PLEKHG1: variants seen among roughly 807,000 people sequenced by gnomAD.
The protein encoded by PLEKHG1 is pleckstrin homology and RhoGEF domain containing G1.
Under a neutral mutation model 100.8 loss-of-function variants are expected in PLEKHG1, and 44 were observed. The ratio of observed to expected loss-of-function variants is 0.44; its 90% CI spans 0.34 to 0.56. The LOEUF (loss-of-function observed/expected upper bound fraction) is 0.56, where lower values mean the gene tolerates loss of function less well. PLEKHG1 is among the 20% of genes least tolerant of loss of function. The pLI is 0.01. For missense variants in PLEKHG1, 1,545 were observed against 1,720.9 expected, an observed-to-expected ratio of 0.90 and a Z score of 1.81; for synonymous variants, 640 against 662.5, an observed-to-expected ratio of 0.97 and a Z score of 0.52.
chr6:150,603,070 ACTCCGTCT>A, intron 1 of PLEKHG1, among the ~76,000 whole-genome samples: 1 of 103,042 alleles, frequency 9.7e-6, no homozygotes, highest in African/African-American at 3.5e-5. Flanking sequence ...CGACAGCGAG[ACTCCGTCT>A]CAAAAAAAAA....
At chr6:150,798,774 T>G (rs1786515443) in intron 5 of PLEKHG1, among the ~76,000 whole-genome samples, 1 of 152,238 alleles carries the variant, frequency 6.6e-6, no homozygotes, top group African/African-American at 2.4e-5. Context: ...AGAGTCTCGC[T>G]CTGTTGCCCA....
intron 4 of PLEKHG1, among the ~76,000 whole-genome samples, chr6:150,792,191 T>C (rs773106157): frequency 3.3e-5 from 5 of 151,994 alleles, no homozygotes; most frequent in Non-Finnish European, 7.4e-5. Context: ...ACCTCATCTC[T>C]ACTAAAAATA....
chr6:150,839,507 C>T (rs867371756), intron 15 of PLEKHG1, among the ~76,000 whole-genome samples: 1 of 152,158 alleles, frequency 6.6e-6, no homozygotes, highest in African/African-American at 2.4e-5. Context: ...ATGTTTTCAG[C>T]ACTGACACTG....
At chr6:150,698,536 G>A (rs1431829357) in intron 3 of PLEKHG1, among the ~76,000 whole-genome samples, 2 of 151,370 alleles carry the variant, frequency 1.3e-5, no homozygotes, top group Non-Finnish European at 2.9e-5. Context: ...GCTCAAGGAA[G>A]ACTATTTTGG....
At chr6:150,830,187 T>C (rs547678129) in intron 14 of PLEKHG1, among the ~76,000 whole-genome samples, 1 of 152,324 alleles carries the variant, frequency 6.6e-6, no homozygotes, top group African/African-American at 2.4e-5. Context: ...TACTGTGAAA[T>C]TGGTACGATC....
At chr6:150,758,798 T>C (rs1783994077) in intron 2 of PLEKHG1, among the ~76,000 whole-genome samples, 1 of 152,254 alleles carries the variant, frequency 6.6e-6, no homozygotes, top group Non-Finnish European at 1.5e-5. Flanking sequence ...TCTTTGTATG[T>C]TTCCATTTCA....
At chr6:150,761,750 A>G (rs1784172910) in intron 2 of PLEKHG1, among the ~76,000 whole-genome samples, 1 of 152,200 alleles carries the variant, frequency 6.6e-6, no homozygotes, top group Admixed American at 6.5e-5. Flanking sequence ...AACCAAACAA[A>G]TATTCCTAAT....
chr6:150,780,772 T>A (rs374712801), intron 3 of PLEKHG1, among the ~76,000 whole-genome samples: 80 of 152,314 alleles, frequency 5.3e-4, no homozygotes, highest in African/African-American at 1.9e-3. Flanking sequence ...CGTTCTTGAA[T>A]GCTTGTTGGC....
At chr6:150,818,563 C>T (rs915444752) in intron 11 of PLEKHG1, among the ~76,000 whole-genome samples, 1 of 152,188 alleles carries the variant, frequency 6.6e-6, no homozygotes, top group Non-Finnish European at 1.5e-5. Context: ...TCACTTCATC[C>T]CTAACAAAAT....
chr6:150,606,807 C>G (rs544260322), intron 1 of PLEKHG1, among the ~76,000 whole-genome samples: 1 of 152,246 alleles, frequency 6.6e-6, no homozygotes, highest in Admixed American at 6.5e-5. Flanking sequence ...GCCCCTGGCA[C>G]TCAGCAGCAC....
intron 14 of PLEKHG1, chr6:150,828,386 G>T (rs1583210137): frequency 6.2e-7 from 1 of 1,604,298 alleles, no homozygotes; most frequent in East Asian, 2.2e-5. Context: ...GGTGACTGAG[G>T]CTACAGCTGC....
chr6:150,709,723 A>T (rs542964780), intron 3 of PLEKHG1, among the ~76,000 whole-genome samples: 2 of 152,312 alleles, frequency 1.3e-5, no homozygotes, highest in African/African-American at 4.8e-5. Context: ...ACATCATTTC[A>T]TGAGCCGTAG....
At chr6:150,736,426 G>A (rs1782565138) in intron 2 of PLEKHG1, among the ~76,000 whole-genome samples, 1 of 152,218 alleles carries the variant, frequency 6.6e-6, no homozygotes, top group South Asian at 2.1e-4. Context: ...TTTGCTAGCT[G>A]AGAGTGATCA....
chr6:150,679,463 T>C (rs1345937897), intron 3 of PLEKHG1, among the ~76,000 whole-genome samples: 2 of 152,212 alleles, frequency 1.3e-5, no homozygotes, highest in African/African-American at 4.8e-5. Context: ...AATAAAGTAG[T>C]TATCATAAAG....
chr6:150,809,177 A>G (rs1306122386), exon 8 of PLEKHG1: 1 of 1,611,190 alleles, frequency 6.2e-7, no homozygotes, highest in South Asian at 1.1e-5. Context: ...GCTTGAGGGA[A>G]CCTTCCGCAT....
At position 150,674,681 on chromosome 6, in the gene PLEKHG1, CT is replaced by C. The variant is rs1464861190; in HGVS notation, c.-99+23896del. 1.0e-3 allele frequency among the ~76,000 whole-genome samples: 137 copies of C among 137,236 alleles called. 1 individual carries two copies. The highest frequency in any genetic ancestry group is 3.2e-3 in the African/African-American group (109 of 33,832). The allele number at this position is 137,236 out of a possible 152,430, so 90.0% of individuals were successfully genotyped here. A position where few individuals can be genotyped will look rare whatever the true frequency, so the allele number is the denominator to read the frequency against. On this transcript the variant is annotated intron_variant, in intron 3 of 3. Transcript: ENST00000367326. ...TCTCTCTCTCTCTCTCTCTCTCTCTCTCCCCCCTCTTCTCTTCTTTCCATGG... is the reference window on the plus strand; with the variant it reads ...TCTCTCTCTCTCTCTCTCTCTCTCTCCCCCCCTCTTCTCTTCTTTCCATGG...
rs1477123587 is a variant in PLEKHG1, at chr6:150,732,436, G to A, written c.-98-1148G>A. On this transcript the variant is annotated intron_variant, in intron 1 of 15. Transcript: ENST00000358517. ...TGAGAGGATAAGTTTTCAATGGGGT[G>A]TGAGTCTTAATAATTCAGTCATGCA... 4.6e-5 allele frequency among the ~76,000 whole-genome samples: 7 copies of A among 152,352 alleles called. No individual in the cohort carries two copies. In the East Asian group the frequency reaches 1.2e-3, roughly 25 times the overall value.
intron 1 of PLEKHG1, among the ~76,000 whole-genome samples, chr6:150,627,538 T>C (rs1340311825): frequency 6.6e-6 from 1 of 152,204 alleles, no homozygotes; most frequent in East Asian, 1.9e-4. Flanking sequence ...ACATCATTTT[T>C]GAGAATAAAA....
chr6:150,804,749 C>G lies in PLEKHG1; in HGVS notation c.912+8C>G, dbSNP rs200348696. 5.0e-6 allele frequency: 8 copies of G among 1,610,280 alleles called. No homozygotes were observed. Among genetic ancestry groups the G allele is most frequent in the Non-Finnish European group, 6.8e-6 (8 of 1,178,838 alleles). On this transcript the variant is annotated splice_region_variant and intron_variant, in intron 7 of 15. Coordinates refer to ENST00000358517, the Ensembl canonical transcript of PLEKHG1. ...CACGCGGTCCGGTTACAGGTGAGCC[C>G]GCGAGGTGTCGGTGCCCGGCAGGGT...
Sources: gnomAD v4.1 joint callset for allele counts (sites outside exome capture counted in the v4.1 genomes callset) on GRCh38, gnomAD v4.1.1 for gene constraint, MANE v1.5 for transcripts, NCBI Gene and HGNC (gene_info 2026-07-23, HGNC 2026-07-21) for gene names.